The following KCNS3 variants were observed in gnomAD, a reference collection of about 807,000 sequenced individuals.
KCNS3 encodes the protein delayed-rectifier potassium channel regulatory subunit KCNS3.
KCNS3 carries 13 observed loss-of-function variants against 31.0 expected under a neutral mutation model. The ratio of observed to expected loss-of-function variants is 0.42; its 90% confidence interval spans 0.27 to 0.67. The LOEUF is 0.67. Among genes scored for constraint, KCNS3 ranks in the 30% least tolerant of loss-of-function variants. The pLI is 0.25. For synonymous variants in KCNS3, 238 were observed against 241.5 expected, an observed-to-expected ratio of 0.99 and a Z score of 0.13; for missense variants, 545 against 622.4, an observed-to-expected ratio of 0.88 and a Z score of 1.32.
chr2:17,928,420 C>G (rs888817792), intron 2 of KCNS3, among the ~76,000 whole-genome samples: 2 of 152,106 alleles, frequency 1.3e-5, no homozygotes. Context: ...GTGCATGACA[C>G]CATGCCCAGC....
Position 17,932,271 on chromosome 2 carries a change from G to A in KCNS3, c.1263G>A (p.Val421=), listed in dbSNP as rs770872910. Residue 421 remains valine, a synonymous_variant, in exon 3 of 3, where the codon GTG becomes GTA. Coordinates refer to ENST00000304101, the MANE Select transcript of KCNS3 (RefSeq NM_002252.5). ...ACCAGAAGCAAAAGGACATTGATGT[G>A]GACCAGTGCAGTGAGGATGCACCAG... ...KYYQKQKDID[V]DQCSEDAPEK... is the part of the protein sequence containing the mutation. The A allele has an allele frequency of 6.2e-6, 10 of 1,613,602 alleles. No individual in the cohort carries two copies. Among genetic ancestry groups the A allele is most frequent in the Admixed American group, 1.7e-5 (1 of 60,010 alleles).
intron 1 of KCNS3, among the ~76,000 whole-genome samples, chr2:17,884,950 T>TC (rs58805767): frequency 7.2e-6 from 1 of 139,774 alleles, no homozygotes; most frequent in Non-Finnish European, 1.5e-5. Flanking sequence ...TTTTTTTTTT[T>TC]CCTCACTGCC....
chr2:17,928,700 C>T (rs934823165), intron 2 of KCNS3, among the ~76,000 whole-genome samples: 2 of 148,686 alleles, frequency 1.3e-5, no homozygotes, highest in Non-Finnish European at 3.0e-5. Context: ...AATTTGTTCT[C>T]TTGCAGACAA....
intron 1 of KCNS3, among the ~76,000 whole-genome samples, chr2:17,900,887 A>G (rs1304232095): frequency 6.6e-6 from 1 of 152,236 alleles, no homozygotes; most frequent in Non-Finnish European, 1.5e-5. Context: ...TATAATAGCT[A>G]ACATTTAATT....
chr2:17,896,079 C>G (rs1480647842), intron 1 of KCNS3, among the ~76,000 whole-genome samples: 2 of 152,172 alleles, frequency 1.3e-5, no homozygotes, highest in Non-Finnish European at 2.9e-5. Context: ...TGGGCTCACT[C>G]TGTTGCCCAG....
chr2:17,912,733 G>C (rs2125246356), intron 1 of KCNS3, among the ~76,000 whole-genome samples: 1 of 152,322 alleles, frequency 6.6e-6, no homozygotes, highest in East Asian at 1.9e-4. Context: ...TGGGATTCCT[G>C]CAGTTGGTAT....
Position 17,932,232 on chromosome 2 carries a change from G to A in KCNS3, c.1224G>A (p.Lys408=). Residue 408 remains lysine (K), a synonymous_variant, in exon 3 of 3, where the codon AAG becomes AAA. Coordinates refer to ENST00000304101, the MANE Select transcript of KCNS3 (RefSeq NM_002252.5). ...VALPITIIFN[K]FSKYYQKQKD... ...TTCCCATCACCATCATCTTCAACAA[G>A]TTTTCCAAGTACTACCAGAAGCAAA... The A allele has an allele frequency of 1.9e-6, 3 of 1,613,974 alleles. No individual in the cohort carries two copies. Among genetic ancestry groups the A allele is most frequent in the Non-Finnish European group, 2.5e-6 (3 of 1,179,954 alleles).
chr2:17,884,637 G>T (rs1160041282), intron 1 of KCNS3, among the ~76,000 whole-genome samples: 1 of 152,118 alleles, frequency 6.6e-6, no homozygotes, highest in African/African-American at 2.4e-5. Flanking sequence ...AAAGGGAGCA[G>T]AGAGACAGGA....
intron 1 of KCNS3, among the ~76,000 whole-genome samples, chr2:17,905,433 C>T (rs1662290969): frequency 6.6e-6 from 1 of 152,158 alleles, no homozygotes; most frequent in Non-Finnish European, 1.5e-5. Flanking sequence ...TCCTCTTTTC[C>T]TAATTGAATA....
intron 1 of KCNS3, among the ~76,000 whole-genome samples, chr2:17,897,018 T>C (rs1011341433): frequency 8.5e-5 from 13 of 152,116 alleles, no homozygotes; most frequent in Non-Finnish European, 7.4e-5. Flanking sequence ...ACCAAATAGG[T>C]AGTTTTTCAA....
chr2:17,902,541 C>T (rs1257315753), intron 1 of KCNS3, among the ~76,000 whole-genome samples: 1 of 152,160 alleles, frequency 6.6e-6, no homozygotes, highest in Non-Finnish European at 1.5e-5. Flanking sequence ...CAAAGCCCTC[C>T]AGCTTATAGG....
intron 1 of KCNS3, among the ~76,000 whole-genome samples, chr2:17,892,851 T>G (rs1235431480): frequency 1.3e-5 from 2 of 152,182 alleles, no homozygotes; most frequent in Admixed American, 6.5e-5. Flanking sequence ...GAGGGTGCAA[T>G]GGACTCCATG....
At position 17,878,697 on chromosome 2, in the gene KCNS3, C is replaced by T. The variant is rs1419973714; in HGVS notation, c.-361C>T. 1 of 149,996 alleles carries T rather than the reference C, an allele frequency of 6.7e-6. No individual in the cohort carries two copies. Among genetic ancestry groups the T allele is most frequent in the Non-Finnish European group, 1.5e-5 (1 of 67,312 alleles). 9.3% of individuals were successfully genotyped at this position (149,996 alleles called of 1,614,324 possible). On this transcript the variant is annotated 5_prime_UTR_variant, in exon 1 of 3. Transcript: ENST00000304101. ...GGCCGACGCGGGCCACCCCGCTCTC[C>T]TCGCCGCCGCGGCGGCAGGCGCGGG...
At chr2:17,884,416 A>G (rs2125231233) in intron 1 of KCNS3, among the ~76,000 whole-genome samples, 1 of 151,622 alleles carries the variant, frequency 6.6e-6, no homozygotes, top group Non-Finnish European at 1.5e-5. Flanking sequence ...GGTGAGTGTC[A>G]CAAGCCAATT....
At chr2:17,884,578 A>T in intron 1 of KCNS3, among the ~76,000 whole-genome samples, 1 of 152,012 alleles carries the variant, frequency 6.6e-6, no homozygotes, top group Non-Finnish European at 1.5e-5. Flanking sequence ...GGGTTGAAAG[A>T]TGAATGGAGG....
intron 1 of KCNS3, among the ~76,000 whole-genome samples, chr2:17,916,352 A>C (rs904146828): frequency 7.6e-4 from 116 of 151,770 alleles, no homozygotes; most frequent in African/African-American, 2.7e-3. Context: ...AGGAAGAGGG[A>C]GAAAGAAGGA....
intron 1 of KCNS3, among the ~76,000 whole-genome samples, chr2:17,895,671 C>A (rs1310432411): frequency 1.3e-5 from 2 of 152,094 alleles, no homozygotes; most frequent in African/African-American, 2.4e-5. Context: ...TCTGCAGGCA[C>A]AAAGGTGAGG....
intron 1 of KCNS3, among the ~76,000 whole-genome samples, chr2:17,915,564 C>A (rs868564500): frequency 2.0e-5 from 3 of 152,164 alleles, no homozygotes; most frequent in African/African-American, 7.2e-5. Flanking sequence ...TGTGGTGCAC[C>A]TTAGGTGTAG....
At position 17,900,070 on chromosome 2, in the gene KCNS3, A is replaced by G. The variant is rs1360314077; in HGVS notation, c.-251-17610A>G. Among the ~76,000 whole-genome samples the G allele has an allele frequency of 3.3e-5, 5 of 152,132 alleles. No homozygotes were observed. In the East Asian group the frequency reaches 9.6e-4, roughly 29 times the overall value. ...TGGCTGCCACCTCTGCTTTCCATTT[A>G]ACTATTTGAAACCTCAATTTCCTCA... is the stretch of plus-strand genomic sequence containing the variant. On this transcript the variant is annotated intron_variant, in intron 1 of 2. Transcript: ENST00000304101.
Sources: gnomAD v4.1 joint callset for allele counts (sites outside exome capture counted in the v4.1 genomes callset) on GRCh38, gnomAD v4.1.1 for gene constraint, MANE v1.5 for transcripts, NCBI Gene and HGNC (gene_info 2026-07-23, HGNC 2026-07-21) for gene names.